Variants in SOX5 observed in about 807,000 individuals in gnomAD.
The protein encoded by SOX5 is transcription factor SOX-5.
In SOX5, 9 loss-of-function variants were observed where a neutral mutation model predicts 92.0. That is an observed-to-expected ratio of 0.10 (90% confidence interval 0.06 to 0.17). The LOEUF (loss-of-function observed/expected upper bound fraction) is 0.17, where lower values mean the gene tolerates loss of function less well. Among genes scored for constraint, SOX5 ranks in the 10% least tolerant of loss-of-function variants. The pLI, the probability that SOX5 is intolerant of heterozygous loss-of-function variation, is 1.00. For synonymous variants in SOX5, 344 were observed against 336.3 expected, an observed-to-expected ratio of 1.02 and a Z score of -0.25; for missense variants, 642 against 944.5, an observed-to-expected ratio of 0.68 and a Z score of 4.20.
At chr12:23,848,229 T>C (rs1345756495) in intron 2 of SOX5, among the ~76,000 whole-genome samples, 1 of 152,138 alleles carries the variant, frequency 6.6e-6, no homozygotes, top group African/African-American at 2.4e-5. Flanking sequence ...TTAATTGCCA[T>C]AATTGAAAAT....
Position 23,941,186 on chromosome 12 carries a change from A to T in SOX5, c.38+8378T>A, listed in dbSNP as rs561082337. 3.3e-5 allele frequency among the ~76,000 whole-genome samples: 5 copies of T among 151,752 alleles called. No homozygotes were observed. In the South Asian group the frequency reaches 1.0e-3, roughly 31 times the overall value. On this transcript the variant is annotated intron_variant, in intron 1 of 14. Transcript: ENST00000451604. ...CTTTCTAACTTTTGCATGTGCACAC[A>T]CGTATAACTATTATATTCCCTAAAA... is the stretch of plus-strand genomic sequence containing the variant.
At chr12:23,775,021 TG>T (rs1301916036) in intron 3 of SOX5, among the ~76,000 whole-genome samples, 1 of 152,206 alleles carries the variant, frequency 6.6e-6, no homozygotes, top group Non-Finnish European at 1.5e-5. Flanking sequence ...ACTCTGCATT[TG>T]TAACGGCTAT....
intron 3 of SOX5, among the ~76,000 whole-genome samples, chr12:23,844,365 C>A (rs2096552141): frequency 6.6e-6 from 1 of 152,106 alleles, no homozygotes; most frequent in Non-Finnish European, 1.5e-5. Context: ...TGGGGACCAT[C>A]TGCATAAAGC....
chr12:23,729,508 T>C (rs746219634), intron 6 of SOX5, among the ~76,000 whole-genome samples: 8 of 152,196 alleles, frequency 5.3e-5, no homozygotes, highest in Non-Finnish European at 1.0e-4. Flanking sequence ...AATATTTTCT[T>C]TGCTCTACCC....
intron 3 of SOX5, among the ~76,000 whole-genome samples, chr12:24,245,274 T>TGTGTGC (rs984874059): frequency 6.8e-6 from 1 of 147,556 alleles, no homozygotes; most frequent in African/African-American, 2.5e-5. Flanking sequence ...TGTGTGTGTG[T>TGTGTGC]GCCTTCTACT....
intron 1 of SOX5, among the ~76,000 whole-genome samples, chr12:24,441,242 C>T (rs998265962): frequency 6.6e-6 from 1 of 152,134 alleles, no homozygotes; most frequent in Non-Finnish European, 1.5e-5. Flanking sequence ...AACAAATAAC[C>T]CTCTGCATCA....
chr12:23,964,847 G>A (rs1947353652), intron 4 of SOX5, among the ~76,000 whole-genome samples: 1 of 152,022 alleles, frequency 6.6e-6, no homozygotes, highest in Non-Finnish European at 1.5e-5. Context: ...ATTAATTTAT[G>A]GCCCACCTTG....
At chr12:24,392,812 C>A (rs934369678) in intron 1 of SOX5, among the ~76,000 whole-genome samples, 1 of 151,912 alleles carries the variant, frequency 6.6e-6, no homozygotes, top group Non-Finnish European at 1.5e-5. Flanking sequence ...AATGAGTACC[C>A]CAAAGGAACA....
intron 1 of SOX5, among the ~76,000 whole-genome samples, chr12:24,523,982 C>G (rs1249415425): frequency 6.6e-6 from 1 of 152,198 alleles, no homozygotes; most frequent in Non-Finnish European, 1.5e-5. Context: ...TATTTGCAAA[C>G]TATATGCGAT....
intron 1 of SOX5, among the ~76,000 whole-genome samples, chr12:24,465,172 A>G (rs1291066322): frequency 3.3e-5 from 5 of 152,248 alleles, no homozygotes. Flanking sequence ...GGAAAACTGA[A>G]GTTCAGATGA....
At chr12:23,580,250 CTT>C (rs1343480622) in intron 9 of SOX5, among the ~76,000 whole-genome samples, 4 of 152,060 alleles carry the variant, frequency 2.6e-5, no homozygotes, top group East Asian at 1.9e-4. Context: ...ATACAATACT[CTT>C]TTAATTTCTG....
chr12:24,357,951 A>T (rs180978703), intron 2 of SOX5, among the ~76,000 whole-genome samples: 31 of 152,302 alleles, frequency 2.0e-4, no homozygotes, highest in African/African-American at 7.0e-4. Context: ...ATACTTTATT[A>T]CAATCCCTTG....
intron 1 of SOX5, among the ~76,000 whole-genome samples, chr12:24,555,880 C>T (rs755971826): frequency 1.3e-5 from 2 of 152,192 alleles, no homozygotes; most frequent in African/African-American, 2.4e-5. Flanking sequence ...GAGAGTGTAA[C>T]TGACTTACTT....
chr12:23,650,696 C>A (rs765924100), intron 7 of SOX5, among the ~76,000 whole-genome samples: 53 of 152,178 alleles, frequency 3.5e-4, no homozygotes, highest in Non-Finnish European at 5.2e-4. Context: ...GTTTCATTAC[C>A]CCCAGTGTTT....
At chr12:24,102,397 A>G (rs1256496702) in intron 4 of SOX5, among the ~76,000 whole-genome samples, 1 of 152,222 alleles carries the variant, frequency 6.6e-6, no homozygotes, top group Non-Finnish European at 1.5e-5. Flanking sequence ...TTCAGCCGAC[A>G]GCAGCATGAG....
intron 2 of SOX5, among the ~76,000 whole-genome samples, chr12:23,858,032 C>T (rs1056896683): frequency 5.3e-5 from 8 of 151,816 alleles, no homozygotes; most frequent in African/African-American, 1.7e-4. Flanking sequence ...CCATTCCCGG[C>T]CAAGAGTTTT....
At chr12:24,465,852 C>T (rs969558136) in intron 1 of SOX5, among the ~76,000 whole-genome samples, 5 of 152,178 alleles carry the variant, frequency 3.3e-5, no homozygotes, top group African/African-American at 1.2e-4. Flanking sequence ...AGAGGGCTTT[C>T]GGGAGAACCT....
In SOX5 at chr12:24,051,249, GT is replaced by G. The variant is rs565416718; in HGVS notation, c.-1-155226del. ...CTAATAAAACTGACTAGAAAAGAAT[GT>G]TTTTTTTCTTGTTGAAACAGTTCCA... On this transcript the variant is annotated intron_variant, in intron 4 of 4. Transcript: ENST00000446891. Among the ~76,000 whole-genome samples the G allele has an allele frequency of 5.3e-5, 8 of 152,014 alleles. No homozygotes were observed. In the South Asian group the frequency reaches 1.0e-3, roughly 20 times the overall value.
At chr12:23,654,884 T>C (rs2082120218) in intron 7 of SOX5, among the ~76,000 whole-genome samples, 2 of 152,098 alleles carry the variant, frequency 1.3e-5, no homozygotes, top group South Asian at 4.1e-4. Flanking sequence ...TGTTTGACTA[T>C]ATAGATATTT....
Sources: gnomAD v4.1 joint callset for allele counts (sites outside exome capture counted in the v4.1 genomes callset) on GRCh38, gnomAD v4.1.1 for gene constraint, MANE v1.5 for transcripts, NCBI Gene and HGNC (gene_info 2026-07-23, HGNC 2026-07-21) for gene names.